KANK3: variants seen among roughly 807,000 people sequenced by gnomAD.
The protein encoded by KANK3 is KN motif and ankyrin repeat domain-containing protein 3.
KANK3 carries 61 observed loss-of-function variants against 65.4 expected under a neutral mutation model. That is an observed-to-expected ratio of 0.93 (90% CI 0.76 to 1.15). The LOEUF is 1.15. Among genes scored for constraint, KANK3 ranks in the 50% most tolerant of loss-of-function variants. The probability of loss-of-function intolerance (pLI) is 0.00; values close to 1 mark genes in which losing one functional copy is unlikely to be tolerated. For synonymous variants in KANK3, 586 were observed against 543.3 expected, an observed-to-expected ratio of 1.08 and a Z score of -1.09; for missense variants, 1,187 against 1,178.8, an observed-to-expected ratio of 1.01 and a Z score of -0.10.
Position 8,334,008 on chromosome 19 carries a change from C to T in KANK3, c.1536G>A (p.Gly512=). The change falls in exon 5 of 11, where the codon GGG becomes GGA. Residue 512 remains glycine (G), a synonymous_variant. Transcript: ENST00000330915. ...GGCCAGGGGTGCCCGAGTCGGATCC[C>T]CCGCCGCTGTCATCCCCGGAGCCCG... ...SSSGSGDDSG[G]GSDSGTPGPP... 2 of 1,560,320 alleles carry T rather than the reference C, an allele frequency of 1.3e-6. No individual in the cohort carries two copies. Among genetic ancestry groups the T allele is most frequent in the Non-Finnish European group, 1.7e-6 (2 of 1,159,484 alleles).
chr19:8,339,361 G>GTGTTT (rs111896090), intron 1 of KANK3, among the ~76,000 whole-genome samples: 3 of 138,954 alleles, frequency 2.2e-5, no homozygotes, highest in Non-Finnish European at 1.5e-5. Context: ...ATCTCTTTTT[G>GTGTTT]TTTTTTTTTT....
At chr19:8,329,492 CAAAAA>C (rs59607185) in intron 7 of KANK3, among the ~76,000 whole-genome samples, 15 of 51,120 alleles carry the variant, frequency 2.9e-4, no homozygotes, top group African/African-American at 4.4e-4. Flanking sequence ...GACTCGGCCT[CAAAAA>C]AAAAAAAAAA....
At chr19:8,341,362 C>A (rs1300984101) in intron 1 of KANK3, among the ~76,000 whole-genome samples, 2 of 151,516 alleles carry the variant, frequency 1.3e-5, no homozygotes, top group African/African-American at 2.4e-5. Context: ...ATAGCTGAGA[C>A]TACAGGAATG....
At chr19:8,336,739 CAA>C (rs576688863) in intron 2 of KANK3, among the ~76,000 whole-genome samples, 9 of 107,424 alleles carry the variant, frequency 8.4e-5, no homozygotes, top group Non-Finnish European at 1.1e-4. Flanking sequence ...GACCCTGTCT[CAA>C]AAAAAAAAAA....
At chr19:8,325,188 T>G (rs1970404068) in intron 7 of KANK3, 92 bp from the exon 8 acceptor site, 4 of 1,396,354 alleles carry the variant, frequency 2.9e-6, no homozygotes, top group Non-Finnish European at 3.8e-6. Flanking sequence ...GCACAGCACC[T>G]GCATATGGGG....
chr19:8,340,291 T>TATATATATATATATACACAC (rs1472181365), intron 1 of KANK3, among the ~76,000 whole-genome samples: 29 of 92,862 alleles, frequency 3.1e-4, no homozygotes, highest in Admixed American at 1.0e-3. Context: ...TATATATATA[T>TATATATATATATATACACAC]ACACACACAC....
chr19:8,333,505 C>A lies in KANK3; in HGVS notation c.1719+219G>T, dbSNP rs1970567373. ...AACGGGGAAAGGCAATGAACGCTTG[C>A]CCTTGGGGAGTCCGGGAGTGGGGCT... On this transcript the variant is annotated intron_variant, in intron 6 of 10. Coordinates refer to ENST00000330915, the MANE Select transcript of KANK3 (RefSeq NM_198471.3). The surrounding 1 kb of genome is among the most constrained non-coding windows in gnomAD (Gnocchi z 5.0). Among the ~76,000 whole-genome samples the A allele has an allele frequency of 6.6e-6, 1 of 152,164 alleles. No individual in the cohort carries two copies. The highest frequency in any genetic ancestry group is 1.5e-5 in the Non-Finnish European group (1 of 68,022).
chr19:8,324,828 C>T lies in KANK3; in HGVS notation c.2085G>A (p.Thr695=), dbSNP rs779016934. 5.6e-6 allele frequency: 9 copies of T among 1,609,822 alleles called. No homozygotes were observed. The highest frequency in any genetic ancestry group is 3.3e-5 in the South Asian group (3 of 90,998). ...MGDVNAKASQ[T]GQTALMLAIS... is the part of the protein sequence containing the mutation. ...TGGCCAGCATGAGGGCTGTCTGCCC[C>T]GTCTGGGGAGTGGGGAGGAAGAGGG... Residue 695 remains threonine (T), a splice_region_variant and synonymous_variant, in exon 9 of 11, where the codon ACG becomes ACA. Transcript: ENST00000330915.
intron 7 of KANK3, among the ~76,000 whole-genome samples, chr19:8,327,912 C>T (rs1322909512): frequency 6.6e-6 from 1 of 152,170 alleles, no homozygotes; most frequent in Non-Finnish European, 1.5e-5. Context: ...TCCTTGCAGG[C>T]TAGCCAAGGA....
intron 1 of KANK3, among the ~76,000 whole-genome samples, chr19:8,339,272 C>T (rs1970690859): frequency 1.3e-5 from 2 of 152,004 alleles, no homozygotes; most frequent in African/African-American, 4.8e-5. Flanking sequence ...GGTGAAATCT[C>T]AGCACTCTGG....
chr19:8,339,877 T>A (rs1458002355), intron 1 of KANK3, among the ~76,000 whole-genome samples: 1 of 149,126 alleles, frequency 6.7e-6, no homozygotes, highest in African/African-American at 2.5e-5. Context: ...GGCAGGAGTA[T>A]CTCTTGAGTC....
Position 8,333,771 on chromosome 19 carries a change from C to T in KANK3, c.1672G>A (p.Ala558Thr), listed in dbSNP as rs1374445364. Residue 558 changes from alanine (A) to threonine (T), a missense_variant, in exon 6 of 11, where the codon GCG becomes ACG. Ala to Thr is a moderately conservative substitution (Grantham distance 58, BLOSUM62 0). Transcript: ENST00000330915. The surrounding 1 kb of genome is among the most constrained non-coding windows in gnomAD (Gnocchi z 5.0). ...LSPRLREACV[A>T]LQRQLSRPRG... ...GGCCGGCTCAGCTGCCGCTGCAGCGCTACGCACGCCTCCCTCAGACGCGGG... is the reference window on the plus strand; with the variant it reads ...GGCCGGCTCAGCTGCCGCTGCAGCGTTACGCACGCCTCCCTCAGACGCGGG... 3 of 1,508,174 alleles carry T rather than the reference C, an allele frequency of 2.0e-6. No individual in the cohort carries two copies. Among genetic ancestry groups the T allele is most frequent in the South Asian group, 2.5e-5 (2 of 80,142 alleles). 93.4% of individuals were successfully genotyped at this position (1,508,174 alleles called of 1,614,324 possible). A position where few individuals can be genotyped will look rare whatever the true frequency, so the allele number is the denominator to read the frequency against.
intron 7 of KANK3, among the ~76,000 whole-genome samples, chr19:8,329,802 C>G (rs897291905): frequency 6.6e-6 from 1 of 152,176 alleles, no homozygotes; most frequent in African/African-American, 2.4e-5. Flanking sequence ...TCTGCTGTCC[C>G]TTGCTGCCTA....
chr19:8,342,907 G>A (rs1381638866), intron 1 of KANK3, among the ~76,000 whole-genome samples: 3 of 152,102 alleles, frequency 2.0e-5, no homozygotes, highest in African/African-American at 7.2e-5. Flanking sequence ...CGAGGGGCTG[G>A]CTGGGGTCCC....
chr19:8,323,019 C>T, intron 10 of KANK3, 97 bp from the exon 11 acceptor site: 1 of 690,682 alleles, frequency 1.4e-6, no homozygotes, highest in East Asian at 3.1e-5. Context: ...GTTCTTTTAC[C>T]ATGGACCCAG....
intron 1 of KANK3, among the ~76,000 whole-genome samples, chr19:8,342,762 A>G (rs796600200): frequency 3.3e-5 from 5 of 152,248 alleles, no homozygotes; most frequent in African/African-American, 1.2e-4. Flanking sequence ...TCCTAGCCGC[A>G]CAGAGACAGA....
At position 8,325,296 on chromosome 19, in the gene KANK3, C is replaced by CTTTTTTTTTTTTTT. The variant is rs573315741; in HGVS notation, c.1937-214_1937-201dup. 4.7e-3 allele frequency among the ~76,000 whole-genome samples: 366 copies of CTTTTTTTTTTTTTT among 78,636 alleles called. 42 individuals are homozygous for CTTTTTTTTTTTTTT. Among genetic ancestry groups the CTTTTTTTTTTTTTT allele is most frequent in the African/African-American group, 7.4e-3 (138 of 18,660 alleles). 51.6% of individuals were successfully genotyped at this position (78,636 alleles called of 152,430 possible). On this transcript the variant is annotated intron_variant, in intron 7 of 10. Transcript: ENST00000330915. ...TCAGTGAAGGACCTTCCTGTTTCAT[C>CTTTTTTTTTTTTTT]TTTTTTTTTTTTTTTTTTTTTTTTT...
rs756906983 is a variant in KANK3 at position 8,324,731 on chromosome 19, C to G, written c.2182G>C (p.Asp728His). 4.3e-6 allele frequency: 7 copies of G among 1,614,060 alleles called. No homozygotes were observed. The East Asian group carries it at 1.6e-4, about 36-fold the overall frequency. Residue 728 changes from aspartate to histidine, a missense_variant, in exon 9 of 11, where the codon GAT becomes CAT. Physicochemically the swap from Asp to His is moderately conservative, Grantham distance 81 (BLOSUM62 -1). Around this residue, in one of 3 missense-constraint regions of KANK3, gnomAD observed 1,078 missense variants for 1,038.2 expected, o/e 1.04. Transcript: ENST00000330915. ...GCACACATCAGCGCTGTGGCCCCAT[C>G]CGCATCCTGCGCATTCACATCAGCC... The part of the protein sequence containing the change: ...CGADVNAQDA[D>H]GATALMCASE...
At position 8,334,897 on chromosome 19, in the gene KANK3, C is replaced by A. The variant is rs1019359766; in HGVS notation, c.930G>T (p.Glu310Asp). The part of the protein sequence containing the change: ...TREVAAEAVP[E>D]TREAGAQAVP... Reference sequence around the variant, plus strand: ...CGGCCTGGGCACCCGCTTCTCGGGTCTCGGGCACGGCCTCGGCGGCCACCT... The same window carrying A: ...CGGCCTGGGCACCCGCTTCTCGGGTATCGGGCACGGCCTCGGCGGCCACCT... Residue 310 changes from glutamate (E) to aspartate (D), a missense_variant, in exon 3 of 11, where the codon GAG becomes GAT. Coordinates refer to ENST00000330915, the MANE Select transcript of KANK3 (RefSeq NM_198471.3). 2 of 1,458,852 alleles carry A rather than the reference C, an allele frequency of 1.4e-6. No individual in the cohort carries two copies. Among genetic ancestry groups the A allele is most frequent in the East Asian group, 2.9e-5 (1 of 34,718 alleles). 90.4% of individuals were successfully genotyped at this position (1,458,852 alleles called of 1,614,324 possible). A position where few individuals can be genotyped will look rare whatever the true frequency, so the allele number is the denominator to read the frequency against.
Sources: gnomAD v4.1 joint callset for allele counts (sites outside exome capture counted in the v4.1 genomes callset) on GRCh38, gnomAD v4.1.1 for gene constraint, gnomAD v4.1.1 regional missense constraint, Gnocchi (gnomAD v3.1) non-coding constraint, MANE v1.5 for transcripts, NCBI Gene and HGNC (gene_info 2026-07-23, HGNC 2026-07-21) for gene names.